MAN1A1: variants seen among roughly 807,000 people sequenced by gnomAD.
The protein encoded by MAN1A1 is mannosidase alpha class 1A member 1, also known as mannosyl-oligosaccharide 1,2-alpha-mannosidase IA.
MAN1A1 carries 29 observed loss-of-function variants against 70.8 expected under a neutral mutation model. The observed-to-expected ratio is 0.41, with a 90% CI of 0.31 to 0.56. The LOEUF is 0.56. MAN1A1 is among the 20% of genes least tolerant of loss of function. MAN1A1 has a pLI of 0.29. For missense variants in MAN1A1, 747 were observed against 841.3 expected (o/e 0.89, Z 1.39); for synonymous variants, 349 against 330.1 (o/e 1.06, Z -0.62).
At chr6:119,263,464 A>T (rs1349262056) in intron 5 of MAN1A1, among the ~76,000 whole-genome samples, 5 of 152,172 alleles carry the variant, frequency 3.3e-5, no homozygotes, top group African/African-American at 1.2e-4. Flanking sequence ...GTACATATGG[A>T]CACAAAGAAA....
chr6:119,298,103 A>G (rs17080943), intron 4 of MAN1A1, among the ~76,000 whole-genome samples: 17,489 of 152,202 alleles, frequency 0.11, 1,097 homozygotes, highest in Non-Finnish European at 0.14. Flanking sequence ...GAGTGAATGA[A>G]GAGTGACTAA....
intron 2 of MAN1A1, among the ~76,000 whole-genome samples, chr6:119,337,707 C>G (rs1773495953): frequency 6.6e-6 from 1 of 152,214 alleles, no homozygotes; most frequent in Admixed American, 6.5e-5. Context: ...GCTAAAGCAG[C>G]TTTCAACAGT....
intron 5 of MAN1A1, among the ~76,000 whole-genome samples, chr6:119,266,732 T>C (rs187236851): frequency 6.9e-4 from 105 of 152,086 alleles, no homozygotes; most frequent in African/African-American, 2.5e-3. Flanking sequence ...AAAGAAAAAA[T>C]TTGACAAGCT....
chr6:119,320,067 G>T (rs1420690845), intron 2 of MAN1A1, among the ~76,000 whole-genome samples: 1 of 152,090 alleles, frequency 6.6e-6, no homozygotes, highest in African/African-American at 2.4e-5. Flanking sequence ...TCTGCCTCCT[G>T]GGTTCAAGTG....
intron 5 of MAN1A1, chr6:119,269,440 GAC>G (rs2114372017): frequency 1.2e-5 from 2 of 170,784 alleles, no homozygotes; most frequent in East Asian, 3.6e-4. Flanking sequence ...GGTGGTCAGG[GAC>G]GTCCTGGCCT....
chr6:119,321,849 C>T (rs1773018146), intron 2 of MAN1A1, among the ~76,000 whole-genome samples: 1 of 151,974 alleles, frequency 6.6e-6, no homozygotes. Context: ...GAACTCCTAA[C>T]CTCAAGGGAT....
chr6:119,340,425 G>A (rs953031166), intron 2 of MAN1A1, among the ~76,000 whole-genome samples: 1 of 152,152 alleles, frequency 6.6e-6, no homozygotes, highest in Non-Finnish European at 1.5e-5. Context: ...CTGTCACTTA[G>A]AAGAATTGAG....
At chr6:119,187,037 AC>A (rs1773310882) in intron 11 of MAN1A1, among the ~76,000 whole-genome samples, 1 of 152,012 alleles carries the variant, frequency 6.6e-6, no homozygotes, top group Non-Finnish European at 1.5e-5. Flanking sequence ...TAAACAAGCA[AC>A]CCCCTGAAGA....
At chr6:119,309,337 G>A (rs948275621) in intron 2 of MAN1A1, among the ~76,000 whole-genome samples, 1 of 152,096 alleles carries the variant, frequency 6.6e-6, no homozygotes, top group East Asian at 1.9e-4. Flanking sequence ...TCAGATTTAC[G>A]ACTTACACAA....
chr6:119,231,243 G>C (rs997337611), intron 6 of MAN1A1, among the ~76,000 whole-genome samples: 1 of 152,138 alleles, frequency 6.6e-6, no homozygotes, highest in Non-Finnish European at 1.5e-5. Flanking sequence ...CACGTCTCAA[G>C]GGTGGGTCCA....
intron 6 of MAN1A1, among the ~76,000 whole-genome samples, chr6:119,213,218 A>C (rs1774100908): frequency 6.6e-6 from 1 of 152,222 alleles, no homozygotes. Context: ...GTAATGCACA[A>C]ATAAAAATGT....
At chr6:119,258,604 A>C (rs1458882217) in intron 5 of MAN1A1, among the ~76,000 whole-genome samples, 1 of 152,172 alleles carries the variant, frequency 6.6e-6, no homozygotes, top group Non-Finnish European at 1.5e-5. Flanking sequence ...ACCTACCCCC[A>C]CAGATACCTA....
intron 5 of MAN1A1, 145 bp from the exon 6 acceptor site, chr6:119,248,499 C>A (rs1468424336): frequency 1.6e-6 from 1 of 607,972 alleles, no homozygotes; most frequent in African/African-American, 1.9e-5. Context: ...ACCAAATTAA[C>A]AGAATTACCC....
intron 6 of MAN1A1, among the ~76,000 whole-genome samples, chr6:119,208,160 A>C (rs1007990216): frequency 6.6e-6 from 1 of 152,214 alleles, no homozygotes. Flanking sequence ...ATATACACAA[A>C]AAGGCAATAA....
At chr6:119,195,285 G>A (rs183208428) in intron 8 of MAN1A1, among the ~76,000 whole-genome samples, 2 of 152,272 alleles carry the variant, frequency 1.3e-5, no homozygotes, top group East Asian at 3.9e-4. Context: ...ATGCCATTCA[G>A]TCTTGCTCCA....
chr6:119,338,235 CTT>C (rs1156316089), intron 2 of MAN1A1, among the ~76,000 whole-genome samples: 3 of 152,024 alleles, frequency 2.0e-5, no homozygotes, highest in Non-Finnish European at 4.4e-5. Context: ...GCTTGGCAGA[CTT>C]TTATGAACCA....
intron 7 of MAN1A1, among the ~76,000 whole-genome samples, chr6:119,201,618 G>A (rs1217782624): frequency 6.6e-6 from 1 of 152,110 alleles, no homozygotes; most frequent in Non-Finnish European, 1.5e-5. Context: ...TAGTGGGACG[G>A]GACAGACAAT....
rs866881014 is a variant in MAN1A1 at position 119,179,678 on chromosome 6, A to C, written c.*141T>G. ...AGGTCCACCTATACCTATGATAATA[A>C]ACATAAAAGACTGCAAAACAATTTA... On this transcript the variant is annotated 3_prime_UTR_variant, in exon 13 of 13. Transcript: ENST00000368468. 57 of 686,232 alleles carry C rather than the reference A, an allele frequency of 8.3e-5. No individual in the cohort carries two copies. In the South Asian group the frequency reaches 1.1e-3, roughly 13 times the overall value. The allele number at this position is 686,232 out of a possible 1,614,324, so 42.5% of individuals were successfully genotyped here.
chr6:119,321,052 T>C (rs1772989713), intron 2 of MAN1A1, among the ~76,000 whole-genome samples: 1 of 152,246 alleles, frequency 6.6e-6, no homozygotes, highest in Non-Finnish European at 1.5e-5. Flanking sequence ...CAGGGTATCA[T>C]AGCTGAATTA....
Sources: allele counts gnomAD v4.1 joint callset (sites outside exome capture counted in the v4.1 genomes callset), GRCh38; gene constraint gnomAD v4.1.1; transcripts MANE v1.5; gene names NCBI Gene and HGNC (gene_info 2026-07-23, HGNC 2026-07-21).